The following SPTB variants were observed in gnomAD, a reference collection of about 807,000 sequenced individuals.
SPTB encodes the protein spectrin beta, erythrocytic.
In SPTB, 45 loss-of-function variants were observed where a neutral mutation model predicts 256.2. That is an observed-to-expected ratio of 0.18 (90% CI 0.14 to 0.23). SPTB has a LOEUF of 0.23. Among genes scored for constraint, SPTB ranks in the 10% least tolerant of loss-of-function variants. SPTB has a pLI of 1.00. For missense variants in SPTB, 2,715 were observed against 3,040.4 expected (o/e 0.89, Z 2.52); for synonymous variants, 1,231 against 1,243.1 (o/e 0.99, Z 0.21).
chr14:64,869,648 G>T (rs1882411286), intron 1 of SPTB, among the ~76,000 whole-genome samples: 1 of 148,628 alleles, frequency 6.7e-6, no homozygotes, highest in South Asian at 2.1e-4. Flanking sequence ...TTGAGACAGG[G>T]TCTCAATCTG....
At chr14:64,801,620 A>T in intron 6 of SPTB, 134 bp downstream of exon 6, 1 of 1,000,888 alleles carries the variant, frequency 1.0e-6, no homozygotes, top group Non-Finnish European at 1.6e-6. Flanking sequence ...TGAAGGTGCT[A>T]TGGGCTGCTG....
chr14:64,854,274 CTTTTTTTTTTT>C (rs1206368948), intron 1 of SPTB, among the ~76,000 whole-genome samples: 2 of 73,264 alleles, frequency 2.7e-5, no homozygotes, highest in African/African-American at 5.4e-5. Context: ...TTTCCAAACT[CTTTTTTTTTTT>C]TTTTTTTTTT....
intron 3 of SPTB, among the ~76,000 whole-genome samples, chr14:64,804,311 T>C (rs1039516647): frequency 1.3e-5 from 2 of 152,198 alleles, no homozygotes; most frequent in African/African-American, 4.8e-5. Flanking sequence ...GAAAAGGCAA[T>C]ATTTCATTCA....
intron 1 of SPTB, among the ~76,000 whole-genome samples, chr14:64,835,981 G>A (rs1243731094): frequency 6.6e-6 from 1 of 152,148 alleles, no homozygotes; most frequent in African/African-American, 2.4e-5. Flanking sequence ...TGCTACTGTG[G>A]GAGAGACTGG....
chr14:64,763,400 C>T (rs536066551), intron 32 of SPTB, among the ~76,000 whole-genome samples: 87 of 152,352 alleles, frequency 5.7e-4, no homozygotes, highest in African/African-American at 1.9e-3. Context: ...AACACCCCAG[C>T]CCTTTACTAC....
Position 64,790,741 on chromosome 14 carries a change from A to T in SPTB, c.2804+978T>A, listed in dbSNP as rs1331526056. On this transcript the variant is annotated intron_variant, in intron 15 of 35. Coordinates refer to ENST00000644917, the MANE Select transcript of SPTB (RefSeq NM_001355436.2). This position sits in a 1 kb window ranked among gnomAD's most constrained non-coding sequence, Gnocchi z 4.8. The stretch of plus-strand genomic sequence containing the variant: ...TGGGGAAGGGGCTGGGGTAATGGGG[A>T]GGTGGTGAACATGTGGCATTGCATG... Among the ~76,000 whole-genome samples, 1 of 152,162 alleles carries T rather than the reference A, an allele frequency of 6.6e-6. No individual in the cohort carries two copies. The highest frequency in any genetic ancestry group is 1.5e-5 in the Non-Finnish European group (1 of 68,032).
rs141767995 is a variant in SPTB, at chr14:64,861,734, G to A, written c.-52+18058C>T. ...TTCATTGTCTTCTGCTCCTCGCCAC[G>A]GCTTTCCTCTGTAGTTCCTGATCAT... On this transcript the variant is annotated intron_variant, in intron 1 of 35. Coordinates refer to ENST00000644917, the MANE Select transcript of SPTB (RefSeq NM_001355436.2). Among the ~76,000 whole-genome samples, 103 of 152,212 alleles carry A rather than the reference G, an allele frequency of 6.8e-4. No individual in the cohort carries two copies. The East Asian group carries it at 0.013, about 19-fold the overall frequency.
In SPTB at chr14:64,803,873, C is replaced by A. The variant is rs1594795045; in HGVS notation, c.301-93G>T. 15 of 1,354,858 alleles carry A rather than the reference C, an allele frequency of 1.1e-5. No individual in the cohort carries two copies. In the East Asian group the frequency reaches 3.0e-4, roughly 27 times the overall value. 83.9% of individuals were successfully genotyped at this position (1,354,858 alleles called of 1,614,324 possible). ...GACCAGCTCCTGTCATAAGCACCCACCCTCCACCCTCTTGGCCAAACACCA... is the reference window on the plus strand; with the variant it reads ...GACCAGCTCCTGTCATAAGCACCCAACCTCCACCCTCTTGGCCAAACACCA... On this transcript the variant is annotated intron_variant, in intron 3 of 35. Transcript: ENST00000644917.
intron 1 of SPTB, among the ~76,000 whole-genome samples, chr14:64,849,996 G>C (rs2083755473): frequency 6.6e-6 from 1 of 152,182 alleles, no homozygotes; most frequent in Non-Finnish European, 1.5e-5. Context: ...AGACCAGGAG[G>C]GGTCAAAGGA....
In SPTB at chr14:64,807,711, A is replaced by G. The variant is rs117996684; in HGVS notation, c.149-2621T>C. On this transcript the variant is annotated intron_variant, in intron 2 of 35. Coordinates refer to ENST00000644917, the MANE Select transcript of SPTB (RefSeq NM_001355436.2). The surrounding 1 kb of genome is among the most constrained non-coding windows in gnomAD (Gnocchi z 4.7). ...ATGCTCAGCACATTCACTCCCGCACAGCCCAGATGCTCATCCCAAGCCTTC... is the reference window on the plus strand; with the variant it reads ...ATGCTCAGCACATTCACTCCCGCACGGCCCAGATGCTCATCCCAAGCCTTC... Among the ~76,000 whole-genome samples, 4 of 152,266 alleles carry G rather than the reference A, an allele frequency of 2.6e-5. No homozygotes were observed. The highest frequency in any genetic ancestry group is 5.9e-5 in the Non-Finnish European group (4 of 68,052).
At position 64,772,921 on chromosome 14, in the gene SPTB, C is replaced by T. The variant is rs1216559614; in HGVS notation, c.5212G>A (p.Glu1738Lys). The T allele has an allele frequency of 6.2e-7, 1 of 1,604,054 alleles. No homozygotes were observed. ...LRDKFRDFAR[E>K]TGAIGQERVD... Reference sequence around the variant, plus strand: ...CGCTCCTGCCCAATCGCCCCGGTCTCCCGGGCAAAGTCCCGGAACTTGTCC... The same window carrying T: ...CGCTCCTGCCCAATCGCCCCGGTCTTCCGGGCAAAGTCCCGGAACTTGTCC... The change falls in exon 26 of 36, where the codon GAG becomes AAG. Residue 1738 changes from glutamate (E) to lysine (K), a missense_variant. Around this residue, in one of 4 missense-constraint regions of SPTB, gnomAD observed 2,239 missense variants for 2,384.4 expected, o/e 0.94. Transcript: ENST00000644917. This position sits in a 1 kb window ranked among gnomAD's most constrained non-coding sequence, Gnocchi z 5.4.
Position 64,797,782 on chromosome 14 carries a change from T to G in SPTB, c.1129A>C (p.Asn377His), listed in dbSNP as rs763042691. 1.5e-5 allele frequency: 24 copies of G among 1,614,068 alleles called. No individual in the cohort carries two copies. The highest frequency in any genetic ancestry group is 1.9e-5 in the Non-Finnish European group (23 of 1,180,036). Residue 377 changes from asparagine to histidine, a missense_variant, in exon 10 of 36, where the codon AAT (asparagine) becomes CAT (histidine). This residue lies in a region of SPTB where 416 missense variants were observed against 571.1 expected (regional missense o/e 0.73). Transcript: ENST00000644917. ...FTIQSRMRAN[N>H]QKVYTPHDGK... ...TCGTGGGGTGTGTACACTTTCTGAT[T>G]GTTGGCTCTCATCCGGGACTGGATG...
At chr14:64,774,606 G>T in intron 23 of SPTB, 79 bp from the exon 24 acceptor site, 3 of 1,545,630 alleles carry the variant, frequency 1.9e-6, no homozygotes, top group South Asian at 1.2e-5. Context: ...CCCCACTCCT[G>T]GAGGTGCCCG....
At chr14:64,766,106 G>A (rs1016683130) in intron 32 of SPTB, among the ~76,000 whole-genome samples, 1 of 149,792 alleles carries the variant, frequency 6.7e-6, no homozygotes, top group Non-Finnish European at 1.5e-5. Flanking sequence ...GGGTGTGTGT[G>A]GATGTGTGTA....
intron 1 of SPTB, among the ~76,000 whole-genome samples, chr14:64,863,563 A>T (rs953934823): frequency 2.0e-5 from 3 of 152,206 alleles, no homozygotes; most frequent in African/African-American, 7.2e-5. Flanking sequence ...GCAGCCTAGC[A>T]TATAACAGGC....
Position 64,782,540 on chromosome 14 carries a change from A to C in SPTB, c.4016T>G (p.Leu1339Arg), listed in dbSNP as rs746365542. The change falls in exon 20 of 36, where the codon CTG becomes CGG. Residue 1339 changes from leucine (L) to arginine (R), a missense_variant. Around this residue, in one of 4 missense-constraint regions of SPTB, gnomAD observed 2,239 missense variants for 2,384.4 expected, o/e 0.94. Coordinates refer to ENST00000644917, the MANE Select transcript of SPTB (RefSeq NM_001355436.2). Reference protein sequence around the residue: ...LENIDAEGKQLMDEKPQFTAL... With the variant: ...LENIDAEGKQRMDEKPQFTAL... ...TGTAAACTGGGGCTTCTCATCCATC[A>C]GCTGCTTTCCTTCCTAGGGGCAAGA... is the stretch of plus-strand genomic sequence containing the variant. The C allele has an allele frequency of 6.2e-7, 1 of 1,613,912 alleles. No individual in the cohort carries two copies. Among genetic ancestry groups the C allele is most frequent in the South Asian group, 1.1e-5 (1 of 91,088 alleles).
intron 1 of SPTB, among the ~76,000 whole-genome samples, chr14:64,848,390 C>G (rs2083727082): frequency 1.3e-5 from 2 of 152,222 alleles, no homozygotes; most frequent in African/African-American, 4.8e-5. Flanking sequence ...GAGACTCAAG[C>G]CTGTGTAGAG....
rs1239607122 is a variant in SPTB, at chr14:64,792,292, T to C, written c.2667-436A>G. On this transcript the variant is annotated intron_variant, in intron 14 of 35. Transcript: ENST00000644917. This position sits in a 1 kb window ranked among gnomAD's most constrained non-coding sequence, Gnocchi z 4.2. ...AAAGATACCCTTTCCAGCCAGGTGC[T>C]CCATTCCTGGGTAAGATAAGGAAAA... Among the ~76,000 whole-genome samples the C allele has an allele frequency of 6.6e-6, 1 of 152,140 alleles. No individual in the cohort carries two copies. The highest frequency in any genetic ancestry group is 1.5e-5 in the Non-Finnish European group (1 of 68,030).
chr14:64,871,203 A>G (rs1882510581), intron 1 of SPTB, among the ~76,000 whole-genome samples: 1 of 152,182 alleles, frequency 6.6e-6, no homozygotes. Flanking sequence ...AAGAAGGGAG[A>G]GATTACTGTG....
Sources: allele counts gnomAD v4.1 joint callset (sites outside exome capture counted in the v4.1 genomes callset), GRCh38; gene constraint gnomAD v4.1.1; regional missense constraint gnomAD v4.1.1; non-coding constraint Gnocchi (gnomAD v3.1); transcripts MANE v1.5; gene names NCBI Gene and HGNC (gene_info 2026-07-23, HGNC 2026-07-21).